Variants in IL1R1 observed in about 807,000 individuals in gnomAD.
The protein encoded by IL1R1 is interleukin 1 receptor type 1.
In IL1R1, 22 loss-of-function variants were observed where a neutral mutation model predicts 50.2. The ratio of observed to expected loss-of-function variants is 0.44; its 90% confidence interval spans 0.31 to 0.63. The LOEUF (loss-of-function observed/expected upper bound fraction) is 0.63, where lower values mean the gene tolerates loss of function less well. Among genes scored for constraint, IL1R1 ranks in the 20% least tolerant of loss-of-function variants. IL1R1 has a pLI of 0.07. For missense variants in IL1R1, 509 were observed against 676.2 expected, an observed-to-expected ratio of 0.75 and a Z score of 2.74; for synonymous variants, 251 against 236.7, an observed-to-expected ratio of 1.06 and a Z score of -0.55.
intron 1 of IL1R1, among the ~76,000 whole-genome samples, chr2:102,119,400 G>T (rs953646480): frequency 1.8e-4 from 27 of 152,194 alleles, no homozygotes; most frequent in Non-Finnish European, 2.6e-4. Flanking sequence ...TGGTCAGTAG[G>T]TTATTGTTTT....
At chr2:102,101,968 T>A (rs1465804626), upstream of IL1R1, among the ~76,000 whole-genome samples, 1 of 152,116 alleles carries the variant, frequency 6.6e-6, no homozygotes, top group African/African-American at 2.4e-5. Flanking sequence ...CAAAAGCGTG[T>A]GTGTGGGTGC....
At chr2:102,074,437 C>A (rs1284567875) in intron 1 of IL1R1, among the ~76,000 whole-genome samples, 1 of 85,126 alleles carries the variant, frequency 1.2e-5, no homozygotes, top group African/African-American at 6.7e-5. Context: ...TCCATATGGT[C>A]TTTCTGCATT....
intron 11 of IL1R1, 72 bp downstream of exon 11, chr2:102,175,717 T>C (rs1233702989): frequency 7.0e-7 from 1 of 1,435,590 alleles, no homozygotes; most frequent in Non-Finnish European, 9.8e-7. Context: ...ATTCCATCTT[T>C]CTAGAAGATC....
At chr2:102,077,989 A>T (rs1255520412) in intron 1 of IL1R1, among the ~76,000 whole-genome samples, 1 of 152,214 alleles carries the variant, frequency 6.6e-6, no homozygotes, top group Admixed American at 6.5e-5. Context: ...TCAAAGAAGA[A>T]ATTAAAAGAG....
intron 1 of IL1R1, among the ~76,000 whole-genome samples, chr2:102,129,283 A>G (rs1055647530): frequency 6.6e-6 from 1 of 152,008 alleles, no homozygotes; most frequent in African/African-American, 2.4e-5. Flanking sequence ...CAACAACAAC[A>G]ACAACAACAA....
At chr2:102,088,474 T>C (rs1426804564) in intron 1 of IL1R1, among the ~76,000 whole-genome samples, 3 of 152,196 alleles carry the variant, frequency 2.0e-5, no homozygotes, top group African/African-American at 7.2e-5. Context: ...AAATATTCAG[T>C]AAACCATGCT....
chr2:102,167,252 C>T (rs1685259372), intron 6 of IL1R1, among the ~76,000 whole-genome samples: 2 of 151,914 alleles, frequency 1.3e-5, no homozygotes, highest in South Asian at 2.1e-4. Flanking sequence ...AAGTTAATTC[C>T]TTGCCATGGT....
At chr2:102,157,629 A>G in intron 2 of IL1R1, 90 bp from the exon 3 acceptor site, 1 of 766,328 alleles carries the variant, frequency 1.3e-6, no homozygotes, top group African/African-American at 1.7e-5. Flanking sequence ...GGGTGGGGAC[A>G]GGGCCGGTGT....
chr2:102,173,014 G>C (rs772104184), intron 9 of IL1R1, among the ~76,000 whole-genome samples, 176 bp downstream of exon 9: 1 of 152,088 alleles, frequency 6.6e-6, no homozygotes, highest in Non-Finnish European at 1.5e-5. Context: ...AAGCTTTTCT[G>C]TCCTGCTGCC....
At chr2:102,081,259 A>C (rs1679195154) in intron 1 of IL1R1, among the ~76,000 whole-genome samples, 1 of 152,200 alleles carries the variant, frequency 6.6e-6, no homozygotes, top group East Asian at 1.9e-4. Context: ...AATATATGAG[A>C]GTATCTATTT....
rs201851360 is a variant in IL1R1 at position 102,179,301 on chromosome 2, A to G, written c.*2542A>G. On this transcript the variant is annotated 3_prime_UTR_variant, in exon 12 of 12. Transcript: ENST00000410023. ...GTGATGATGACCAAGAATTACAAGTAGAATGGCAGCTGGAATTTAAGGAGG... is the reference window on the plus strand; with the variant it reads ...GTGATGATGACCAAGAATTACAAGTGGAATGGCAGCTGGAATTTAAGGAGG... The G allele has an allele frequency of 1.3e-5, 2 of 152,372 alleles. No homozygotes were observed. Among genetic ancestry groups the G allele is most frequent in the Non-Finnish European group, 2.9e-5 (2 of 68,052 alleles). 9.4% of individuals were successfully genotyped at this position (152,372 alleles called of 1,614,324 possible).
chr2:102,128,404 G>A (rs1432804871), intron 1 of IL1R1, among the ~76,000 whole-genome samples: 1 of 152,174 alleles, frequency 6.6e-6, no homozygotes, highest in Non-Finnish European at 1.5e-5. Context: ...CGTTCAAAGA[G>A]GCTGAGTATA....
chr2:102,123,474 T>C (rs1180931274), intron 1 of IL1R1, among the ~76,000 whole-genome samples: 1 of 152,136 alleles, frequency 6.6e-6, no homozygotes, highest in African/African-American at 2.4e-5. Context: ...TGTATCAAAA[T>C]AATACTTTGT....
chr2:102,080,746 C>T (rs10168946), intron 1 of IL1R1, among the ~76,000 whole-genome samples: 34,965 of 152,120 alleles, frequency 0.23, 4,497 homozygotes, highest in East Asian at 0.53. Flanking sequence ...ACACAAAAAT[C>T]TGTACACCAA....
intron 1 of IL1R1, among the ~76,000 whole-genome samples, chr2:102,133,158 G>A (rs1167805854): frequency 6.0e-5 from 9 of 149,534 alleles, no homozygotes; most frequent in African/African-American, 2.2e-4. Flanking sequence ...GCAAGAGAAT[G>A]GCATGAACCC....
At chr2:102,092,262 G>A (rs1679702308) in intron 1 of IL1R1, among the ~76,000 whole-genome samples, 1 of 152,096 alleles carries the variant, frequency 6.6e-6, no homozygotes, top group African/African-American at 2.4e-5. Context: ...AATGTTGGCA[G>A]AGGGGCGGGA....
intron 1 of IL1R1, among the ~76,000 whole-genome samples, chr2:102,107,518 A>G (rs2041750): frequency 0.85 from 127,756 of 151,122 alleles, 54,240 homozygotes; most frequent in East Asian, 0.96. Flanking sequence ...GGGAGGGATA[A>G]CATTAGGAGA....
intron 1 of IL1R1, among the ~76,000 whole-genome samples, chr2:102,131,807 C>T (rs1006091541): frequency 2.6e-5 from 4 of 152,190 alleles, no homozygotes; most frequent in African/African-American, 9.6e-5. Flanking sequence ...GCCAGGAGTT[C>T]TCCAAGCTGA....
chr2:102,132,039 T>C (rs1415363340), intron 1 of IL1R1, among the ~76,000 whole-genome samples: 1 of 151,988 alleles, frequency 6.6e-6, no homozygotes, highest in African/African-American at 2.4e-5. Flanking sequence ...TGGAGCATGA[T>C]CTCTAACATA....
Sources: allele counts gnomAD v4.1 joint callset (sites outside exome capture counted in the v4.1 genomes callset), GRCh38; gene constraint gnomAD v4.1.1; transcripts MANE v1.5; gene names NCBI Gene and HGNC (gene_info 2026-07-23, HGNC 2026-07-21).